Variants in CSMD3 observed in about 807,000 individuals in gnomAD.
CSMD3 encodes the protein CUB and sushi domain-containing protein 3.
Under a neutral mutation model 435.2 loss-of-function variants are expected in CSMD3, and 177 were observed. That is an observed-to-expected ratio of 0.41 (90% confidence interval 0.36 to 0.46). The LOEUF is 0.46. Ranked by LOEUF, CSMD3 falls within the 20% of genes least tolerant of loss-of-function variation. The pLI is 0.34. For synonymous variants in CSMD3, 1,656 were observed against 1,520.5 expected, an observed-to-expected ratio of 1.09 and a Z score of -2.07; for missense variants, 4,265 against 4,504.6, an observed-to-expected ratio of 0.95 and a Z score of 1.52.
At chr8:112,785,434 A>T (rs1587287558) in intron 13 of CSMD3, among the ~76,000 whole-genome samples, 2 of 152,108 alleles carry the variant, frequency 1.3e-5, no homozygotes, top group East Asian at 3.9e-4. Context: ...GGAAAGAAAT[A>T]AAGGGCATCC....
intron 1 of CSMD3, among the ~76,000 whole-genome samples, chr8:113,400,598 A>C (rs1422822805): frequency 2.0e-5 from 3 of 151,936 alleles, no homozygotes; most frequent in Admixed American, 6.6e-5. Flanking sequence ...AAAAATAATT[A>C]ACATGGCCAA....
chr8:112,418,451 T>G (rs1448989057), intron 32 of CSMD3, among the ~76,000 whole-genome samples: 1 of 152,124 alleles, frequency 6.6e-6, no homozygotes, highest in Non-Finnish European at 1.5e-5. Context: ...CCCTCCATAC[T>G]GTATACTCTG....
rs187820951 is a variant in CSMD3 at position 113,320,017 on chromosome 8, T to C, written c.179-5224A>G. Among the ~76,000 whole-genome samples, 781 of 152,140 alleles carry C rather than the reference T, an allele frequency of 5.1e-3. 11 individuals carry two copies. Among genetic ancestry groups the C allele is most frequent in the African/African-American group, 0.018 (754 of 41,556 alleles). On this transcript the variant is annotated intron_variant, in intron 1 of 70. Coordinates refer to ENST00000297405, the MANE Select transcript of CSMD3 (RefSeq NM_198123.2). ...ATGATATAAAGAACATTGTCCAAGC[T>C]CATCTTCTGGGAGCTGACAATCTAA... is the stretch of plus-strand genomic sequence containing the variant.
intron 10 of CSMD3, among the ~76,000 whole-genome samples, chr8:112,872,177 CTATCAA>C (rs1329630075): frequency 1.3e-5 from 2 of 151,964 alleles, no homozygotes; most frequent in African/African-American, 4.8e-5. Flanking sequence ...GCATCTGGAA[CTATCAA>C]TAAGTAGTTC....
At chr8:113,123,716 G>T (rs1430331550) in intron 4 of CSMD3, among the ~76,000 whole-genome samples, 3 of 151,952 alleles carry the variant, frequency 2.0e-5, no homozygotes, top group Non-Finnish European at 4.4e-5. Flanking sequence ...GCAATGGAAT[G>T]CTCTGTGTGG....
chr8:112,530,248 A>G (rs1335790994), intron 27 of CSMD3, among the ~76,000 whole-genome samples: 1 of 152,178 alleles, frequency 6.6e-6, no homozygotes, highest in Admixed American at 6.5e-5. Context: ...CAAATAAATA[A>G]TAGCTAAAAT....
intron 3 of CSMD3, among the ~76,000 whole-genome samples, chr8:113,251,264 C>A (rs908860600): frequency 2.0e-4 from 30 of 151,878 alleles, no homozygotes; most frequent in African/African-American, 7.3e-4. Context: ...CAGAGAGAAA[C>A]AGTAGGAAGC....
In CSMD3 at chr8:112,244,670, C is replaced by G. The variant is rs182555693; in HGVS notation, c.10223-97G>C. ...ATATATTTCAGATATACTTCAATGC[C>G]TTTATATACATATATCTTAGAATAA... On this transcript the variant is annotated intron_variant, in intron 64 of 70. Coordinates refer to ENST00000297405, the MANE Select transcript of CSMD3 (RefSeq NM_198123.2). The G allele has an allele frequency of 4.0e-4, 319 of 799,374 alleles. 2 individuals are homozygous for G. In the Admixed American group the frequency reaches 6.3e-3, roughly 16 times the overall value. The allele number at this position is 799,374 out of a possible 1,614,324, so 49.5% of individuals were successfully genotyped here.
At chr8:112,755,487 TGAA>T (rs1437295286) in intron 13 of CSMD3, among the ~76,000 whole-genome samples, 4 of 151,608 alleles carry the variant, frequency 2.6e-5, no homozygotes, top group Admixed American at 6.6e-5. Flanking sequence ...TGCCGCCATT[TGAA>T]GAAGGACAAG....
At chr8:112,446,928 T>A (rs1482628522) in intron 32 of CSMD3, among the ~76,000 whole-genome samples, 2 of 152,174 alleles carry the variant, frequency 1.3e-5, no homozygotes, top group Non-Finnish European at 2.9e-5. Context: ...ATAATGTAAG[T>A]ATTTATTGGT....
intron 58 of CSMD3, among the ~76,000 whole-genome samples, chr8:112,283,460 G>A (rs1440654567): frequency 2.0e-5 from 3 of 151,420 alleles, no homozygotes; most frequent in Non-Finnish European, 3.0e-5. Context: ...CTGAAAAATA[G>A]AAATTGATAT....
At chr8:112,955,343 G>A (rs2083976939) in intron 7 of CSMD3, among the ~76,000 whole-genome samples, 1 of 151,622 alleles carries the variant, frequency 6.6e-6, no homozygotes, top group Non-Finnish European at 1.5e-5. Context: ...GTATGAAAGT[G>A]AACTACAGCT....
At chr8:112,539,918 C>T (rs1826500355) in intron 27 of CSMD3, among the ~76,000 whole-genome samples, 1 of 151,892 alleles carries the variant, frequency 6.6e-6, no homozygotes, top group Admixed American at 6.6e-5. Context: ...TCAAACTAAA[C>T]AGCTTCTGTA....
rs192689317 is a variant in CSMD3 at position 112,951,852 on chromosome 8, G to T, written c.1420+2832C>A. Among the ~76,000 whole-genome samples, 7 of 150,898 alleles carry T rather than the reference G, an allele frequency of 4.6e-5. No homozygotes were observed. In the Admixed American group the frequency reaches 4.6e-4, roughly 10 times the overall value. On this transcript the variant is annotated intron_variant, in intron 8 of 70. Transcript: ENST00000297405. Reference sequence around the variant, plus strand: ...ATAATTCCACAATAATATTCTAGAGGAGCCTACTAAAGAATTGAGTGGATA... The same window carrying T: ...ATAATTCCACAATAATATTCTAGAGTAGCCTACTAAAGAATTGAGTGGATA...
At chr8:113,420,544 T>A (rs575816815) in intron 1 of CSMD3, among the ~76,000 whole-genome samples, 5 of 152,272 alleles carry the variant, frequency 3.3e-5, no homozygotes, top group African/African-American at 1.2e-4. Flanking sequence ...TTAATATTTA[T>A]GTCTACAATT....
In CSMD3 at chr8:113,399,528, T is replaced by C. The variant is rs143929580; in HGVS notation, c.178+37149A>G. 4.6e-4 allele frequency among the ~76,000 whole-genome samples: 68 copies of C among 149,178 alleles called. 1 individual carries two copies. The highest frequency in any genetic ancestry group is 8.5e-4 in the Non-Finnish European group (57 of 67,188). ...TGAACCTGGAAAACGGTTTGCTAAA[T>C]GAAAAAAAAAAAGTTACAAAAGATT... On this transcript the variant is annotated intron_variant, in intron 1 of 70. Coordinates refer to ENST00000297405, the MANE Select transcript of CSMD3 (RefSeq NM_198123.2).
intron 54 of CSMD3, among the ~76,000 whole-genome samples, chr8:112,294,692 T>C (rs1026632200): frequency 4.6e-5 from 7 of 152,070 alleles, no homozygotes; most frequent in African/African-American, 1.7e-4. Flanking sequence ...ATTTAAGAAA[T>C]AATGAAAAGA....
chr8:112,384,250 T>C (rs986016462), intron 36 of CSMD3, among the ~76,000 whole-genome samples: 3 of 152,196 alleles, frequency 2.0e-5, no homozygotes, highest in Non-Finnish European at 2.9e-5. Context: ...CACAAAAAAA[T>C]GATATTTTGT....
intron 1 of CSMD3, among the ~76,000 whole-genome samples, chr8:113,380,117 T>G (rs549849948): frequency 6.6e-6 from 1 of 152,324 alleles, no homozygotes; most frequent in East Asian, 1.9e-4. Flanking sequence ...AAGGTTCTTT[T>G]TTTTAACCAG....
Sources: gnomAD v4.1 joint callset for allele counts (sites outside exome capture counted in the v4.1 genomes callset) on GRCh38, gnomAD v4.1.1 for gene constraint, MANE v1.5 for transcripts, NCBI Gene and HGNC (gene_info 2026-07-23, HGNC 2026-07-21) for gene names.